The following SPTLC1 variants were observed in gnomAD, a reference collection of about 807,000 sequenced individuals.
SPTLC1 encodes serine palmitoyltransferase long chain base subunit 1, also known as serine palmitoyltransferase 1.
In SPTLC1, 55 loss-of-function variants were observed where a neutral mutation model predicts 68.9. The observed-to-expected ratio is 0.80, with a 90% confidence interval of 0.64 to 1.00. The LOEUF is 1.00. Ranked by LOEUF, SPTLC1 falls within the 50% of genes least tolerant of loss-of-function variation. The pLI is 0.00. For synonymous variants in SPTLC1, 197 were observed against 201.6 expected (o/e 0.98, Z 0.19); for missense variants, 449 against 573.1 (o/e 0.78, Z 2.21).
intron 4 of SPTLC1, 59 bp from the exon 5 acceptor site, chr9:92,080,147 C>T (rs1481003706): frequency 7.1e-7 from 1 of 1,414,886 alleles, no homozygotes; most frequent in Non-Finnish European, 9.9e-7. Flanking sequence ...TCAAAACAAA[C>T]ATTTCCTATT....
chr9:92,046,649 G>C (rs1055415056), intron 11 of SPTLC1, among the ~76,000 whole-genome samples: 1 of 152,154 alleles, frequency 6.6e-6, no homozygotes, highest in African/African-American at 2.4e-5. Context: ...AGGTGGCACT[G>C]TCATAGCCAA....
chr9:92,033,862 T>C (rs1833053904), intron 14 of SPTLC1, among the ~76,000 whole-genome samples: 1 of 152,198 alleles, frequency 6.6e-6, no homozygotes, highest in South Asian at 2.1e-4. Context: ...GGCAGGCTCC[T>C]TAAGGTGCTT....
intron 13 of SPTLC1, 149 bp downstream of exon 13, chr9:92,038,099 C>T: frequency 1.4e-6 from 1 of 736,206 alleles, no homozygotes; most frequent in Non-Finnish European, 2.5e-6. Flanking sequence ...ATTAGGATTC[C>T]ATGTCAAGAG....
At chr9:92,111,700 C>T (rs1397298290) in intron 2 of SPTLC1, 2 of 152,194 alleles carry the variant, frequency 1.3e-5, no homozygotes, top group Non-Finnish European at 2.9e-5. Flanking sequence ...CTCATTCCTC[C>T]GTAAGCCACA....
At chr9:92,086,662 G>A (rs939164437) in intron 3 of SPTLC1, among the ~76,000 whole-genome samples, 7 of 152,120 alleles carry the variant, frequency 4.6e-5, no homozygotes, top group African/African-American at 1.7e-4. Context: ...CTTTCTCTCT[G>A]GCTGCCCTTA....
intron 3 of SPTLC1, chr9:92,104,339 C>T (rs868028790): frequency 2.6e-5 from 36 of 1,394,222 alleles, no homozygotes; most frequent in Middle Eastern, 4.7e-4. Context: ...GTGCCTGCCC[C>T]GGGAATCTGG....
chr9:92,099,180 T>C (rs951172444), intron 3 of SPTLC1, among the ~76,000 whole-genome samples: 3 of 152,170 alleles, frequency 2.0e-5, no homozygotes, highest in Admixed American at 1.3e-4. Flanking sequence ...CAGAGCAAGG[T>C]TGCTGCATGA....
intron 6 of SPTLC1, among the ~76,000 whole-genome samples, chr9:92,060,970 T>C (rs1022094790): frequency 7.0e-5 from 10 of 143,262 alleles, no homozygotes; most frequent in Middle Eastern, 3.2e-3. Context: ...AGGAAGAAAA[T>C]AGACTAGAAA....
intron 8 of SPTLC1, 198 bp downstream of exon 8, chr9:92,055,207 C>G (rs2118507491): frequency 1.0e-6 from 1 of 985,106 alleles, no homozygotes; most frequent in Middle Eastern, 5.2e-4. Flanking sequence ...GCCTGGGCAA[C>G]AGAGCAGTCT....
At position 92,050,035 on chromosome 9, in the gene SPTLC1, G is replaced by T. The variant is rs1587918415; in HGVS notation, c.813C>A (p.Ile271=). 6.2e-7 allele frequency: 1 copy of T among 1,613,646 alleles called. No homozygotes were observed. The highest frequency in any genetic ancestry group is 8.5e-7 in the Non-Finnish European group (1 of 1,179,568). Residue 271 remains isoleucine, a synonymous_variant, in exon 9 of 15, where the codon ATC becomes ATA. Transcript: ENST00000262554. ...CAAATGAAAGGCTTTCCTCCAGGAA[G>T]ATTCTTGCTTTGTATTTGTATTTTA... is the stretch of plus-strand genomic sequence containing the variant. ...VKLKYKYKAR[I]FLEESLSFGV...
intron 5 of SPTLC1, among the ~76,000 whole-genome samples, chr9:92,071,150 G>A (rs1026065016): frequency 3.3e-5 from 5 of 151,158 alleles, no homozygotes; most frequent in Non-Finnish European, 5.9e-5. Flanking sequence ...AGCACTTCGG[G>A]AGGCCGAGGC....
At chr9:92,050,719 C>G (rs1458512321) in intron 8 of SPTLC1, among the ~76,000 whole-genome samples, 1 of 150,924 alleles carries the variant, frequency 6.6e-6, no homozygotes, top group Non-Finnish European at 1.5e-5. Context: ...TTCATGGCAA[C>G]TTTATAGAAT....
chr9:92,114,101 C>A (rs1334053680), intron 1 of SPTLC1, among the ~76,000 whole-genome samples: 1 of 151,658 alleles, frequency 6.6e-6, no homozygotes, highest in Admixed American at 6.6e-5. Context: ...CAGCAAGCCC[C>A]CGTCTCTATT....
intron 10 of SPTLC1, 142 bp downstream of exon 10, chr9:92,047,471 T>C: frequency 1.3e-6 from 1 of 746,384 alleles, no homozygotes; most frequent in Non-Finnish European, 2.3e-6. Context: ...TAGAAATATT[T>C]TGAGTGATTC....
chr9:92,067,319 C>A (rs12237235), intron 6 of SPTLC1, among the ~76,000 whole-genome samples: 5,013 of 141,468 alleles, frequency 0.035, 382 homozygotes, highest in East Asian at 0.26. Context: ...AAAAAAAAAA[C>A]AGAGAAGAGG....
intron 3 of SPTLC1, among the ~76,000 whole-genome samples, chr9:92,092,067 C>G (rs1564111037): frequency 6.6e-5 from 10 of 152,204 alleles, no homozygotes; most frequent in Non-Finnish European, 1.5e-5. Flanking sequence ...TTTATACTGT[C>G]TCTTTCTTTC....
At chr9:92,083,912 T>C (rs1835003761) in intron 3 of SPTLC1, among the ~76,000 whole-genome samples, 4 of 152,222 alleles carry the variant, frequency 2.6e-5, no homozygotes, top group Admixed American at 2.0e-4. Flanking sequence ...CCTCTTTTAT[T>C]TCCTTGAGCA....
At chr9:92,041,363 GA>G (rs2118396715) in intron 12 of SPTLC1, among the ~76,000 whole-genome samples, 1 of 152,262 alleles carries the variant, frequency 6.6e-6, no homozygotes, top group Non-Finnish European at 1.5e-5. Flanking sequence ...AGCTGAAGAA[GA>G]GTAAGAACAC....
chr9:92,105,186 G>C, intron 3 of SPTLC1: 1 of 1,534,050 alleles, frequency 6.5e-7, no homozygotes, highest in Non-Finnish European at 8.7e-7. Flanking sequence ...AAACTGTCGG[G>C]GCCACCGCTG....
Sources: allele counts gnomAD v4.1 joint callset (sites outside exome capture counted in the v4.1 genomes callset), GRCh38; gene constraint gnomAD v4.1.1; transcripts MANE v1.5; gene names NCBI Gene and HGNC (gene_info 2026-07-23, HGNC 2026-07-21).